DAB1: variants seen among roughly 807,000 people sequenced by gnomAD.
The protein encoded by DAB1 is disabled homolog 1.
A neutral mutation model predicts 64.6 loss-of-function variants in DAB1; 15 were observed. That is an observed-to-expected ratio of 0.23 (90% confidence interval 0.16 to 0.36). The LOEUF is 0.36. DAB1 is among the 10% of genes least tolerant of loss of function. DAB1 has a pLI of 1.00. For synonymous variants in DAB1, 235 were observed against 251.9 expected, an observed-to-expected ratio of 0.93 and a Z score of 0.64; for missense variants, 596 against 706.7, an observed-to-expected ratio of 0.84 and a Z score of 1.78.
intron 4 of DAB1, among the ~76,000 whole-genome samples, chr1:58,257,031 G>A (rs561332392): frequency 2.2e-4 from 34 of 152,294 alleles, no homozygotes; most frequent in African/African-American, 7.9e-4. Context: ...ACTAGCCTGT[G>A]AGCTCATTCA....
chr1:57,124,962 T>C (rs901956716), intron 4 of DAB1, among the ~76,000 whole-genome samples: 7 of 141,590 alleles, frequency 4.9e-5, no homozygotes, highest in Admixed American at 2.2e-4. Context: ...TCATGCCTCA[T>C]GTTCTTTGCT....
At chr1:57,047,291 A>G (rs759245927) in intron 9 of DAB1, among the ~76,000 whole-genome samples, 21 of 152,150 alleles carry the variant, frequency 1.4e-4, no homozygotes, top group Non-Finnish European at 2.6e-4. Flanking sequence ...GGTAGTTACA[A>G]TTGCTTGTTA....
intron 5 of DAB1, among the ~76,000 whole-genome samples, chr1:57,931,150 T>C (rs935122340): frequency 3.5e-4 from 53 of 152,216 alleles, no homozygotes; most frequent in African/African-American, 1.3e-3. Flanking sequence ...TGATGGATTA[T>C]GTTATTTCAT....
intron 4 of DAB1, among the ~76,000 whole-genome samples, chr1:58,198,744 C>G (rs900263236): frequency 6.6e-6 from 1 of 152,314 alleles, no homozygotes; most frequent in Non-Finnish European, 1.5e-5. Flanking sequence ...CATTGAGAGG[C>G]AGAACTTTTG....
At chr1:57,654,499 T>C (rs1235046521) in intron 6 of DAB1, among the ~76,000 whole-genome samples, 1 of 152,230 alleles carries the variant, frequency 6.6e-6, no homozygotes, top group Non-Finnish European at 1.5e-5. Flanking sequence ...TAGGGGTTTG[T>C]TATAATTATG....
chr1:57,629,011 T>A (rs2101625728), intron 7 of DAB1, among the ~76,000 whole-genome samples: 1 of 152,332 alleles, frequency 6.6e-6, no homozygotes, highest in African/African-American at 2.4e-5. Flanking sequence ...TTCATTAGTC[T>A]CCTTAGCATT....
At chr1:58,108,296 G>C (rs925157515) in intron 5 of DAB1, among the ~76,000 whole-genome samples, 2 of 152,194 alleles carry the variant, frequency 1.3e-5, no homozygotes, top group African/African-American at 4.8e-5. Flanking sequence ...AACTAATGTA[G>C]TAGAGGTGGG....
chr1:57,157,101 G>A (rs752779818), intron 2 of DAB1, among the ~76,000 whole-genome samples: 6 of 152,102 alleles, frequency 3.9e-5, no homozygotes, highest in African/African-American at 7.2e-5. Context: ...TCCAGGCTGC[G>A]CTCTAAAGAC....
chr1:58,158,788 C>T (rs1013463563), intron 4 of DAB1, among the ~76,000 whole-genome samples: 1 of 152,168 alleles, frequency 6.6e-6, no homozygotes, highest in Admixed American at 6.5e-5. Context: ...CAGCCTCCTG[C>T]AGAGCCAGAA....
chr1:57,244,607 A>T (rs1281134903), intron 2 of DAB1, among the ~76,000 whole-genome samples: 2 of 152,200 alleles, frequency 1.3e-5, no homozygotes, highest in Non-Finnish European at 2.9e-5. Context: ...TGACCAATGT[A>T]AACAAACAAT....
chr1:57,118,428 C>T lies in DAB1; in HGVS notation c.306+18115G>A, dbSNP rs541653372. ...CATATCCCAGTTAAGGTGAAAGATT[C>T]CACCAAGAAAGATTATTCCATCTTC... On this transcript the variant is annotated intron_variant, in intron 4 of 14. Transcript: ENST00000371236. 3.2e-4 allele frequency among the ~76,000 whole-genome samples: 49 copies of T among 152,192 alleles called. 1 individual carries two copies. The highest frequency in any genetic ancestry group is 2.1e-3 in the South Asian group (10 of 4,806).
chr1:58,295,903 C>T (rs559662120), intron 4 of DAB1, among the ~76,000 whole-genome samples: 3 of 151,686 alleles, frequency 2.0e-5, no homozygotes, highest in South Asian at 2.1e-4. Flanking sequence ...CCAGCCTGGC[C>T]AACATGGTGA....
chr1:57,969,379 G>C (rs1645743706), intron 5 of DAB1, among the ~76,000 whole-genome samples: 1 of 152,170 alleles, frequency 6.6e-6, no homozygotes, highest in East Asian at 1.9e-4. Flanking sequence ...ATCTCACTCT[G>C]TCACCCAGGC....
intron 4 of DAB1, among the ~76,000 whole-genome samples, chr1:58,173,390 C>A (rs1570446104): frequency 6.6e-6 from 1 of 152,182 alleles, no homozygotes; most frequent in South Asian, 2.1e-4. Flanking sequence ...ATCATCATCT[C>A]TTCCCTGCTT....
chr1:57,037,312 G>T (rs919844980), intron 9 of DAB1, among the ~76,000 whole-genome samples: 8 of 152,174 alleles, frequency 5.3e-5, no homozygotes, highest in African/African-American at 1.7e-4. Flanking sequence ...CTTTCCACAT[G>T]TCATGTCCTG....
intron 2 of DAB1, among the ~76,000 whole-genome samples, chr1:57,155,368 C>T (rs1239106192): frequency 1.3e-5 from 2 of 152,068 alleles, no homozygotes; most frequent in Non-Finnish European, 2.9e-5. Flanking sequence ...GTGCTCTATT[C>T]TGTTCCATTG....
In DAB1 at chr1:57,198,649, T is replaced by TCTCTCACA. The variant is rs1477522407; in HGVS notation, c.68-53221_68-53220insTGTGAGAG. Among the ~76,000 whole-genome samples, 223 of 128,312 alleles carry TCTCTCACA rather than the reference T, an allele frequency of 1.7e-3. 2 individuals carry two copies. The highest frequency in any genetic ancestry group is 0.015 in the Admixed American group (184 of 12,352). 84.2% of individuals were successfully genotyped at this position (128,312 alleles called of 152,430 possible). ...CCTCCCTCCCTGCATCTTCTCTCTC[T>TCTCTCACA]CACACACACACACACACACACACAC... On this transcript the variant is annotated intron_variant, in intron 2 of 14. Coordinates refer to ENST00000371236, the MANE Select transcript of DAB1 (RefSeq NM_001365792.1).
At chr1:57,652,329 AC>A (rs1646266542) in intron 6 of DAB1, among the ~76,000 whole-genome samples, 1 of 151,752 alleles carries the variant, frequency 6.6e-6, no homozygotes, top group Non-Finnish European at 1.5e-5. Context: ...ATATGATTGC[AC>A]CCCCAATCAA....
At chr1:57,301,893 G>A (rs1401068417) in intron 1 of DAB1, among the ~76,000 whole-genome samples, 1 of 152,164 alleles carries the variant, frequency 6.6e-6, no homozygotes, top group East Asian at 1.9e-4. Context: ...CCCACTCGAG[G>A]TCCCTTCTAA....
Sources: gnomAD v4.1 joint callset for allele counts (sites outside exome capture counted in the v4.1 genomes callset) on GRCh38, gnomAD v4.1.1 for gene constraint, MANE v1.5 for transcripts, NCBI Gene and HGNC (gene_info 2026-07-23, HGNC 2026-07-21) for gene names.